The following ABAT variants were observed in gnomAD, a reference collection of about 807,000 sequenced individuals.
ABAT encodes the protein 4-aminobutyrate aminotransferase.
A neutral mutation model predicts 64.6 loss-of-function variants in ABAT; 45 were observed. The ratio of observed to expected loss-of-function variants is 0.70; its 90% CI spans 0.55 to 0.89. The LOEUF is 0.89. Among genes scored for constraint, ABAT ranks in the 40% least tolerant of loss-of-function variants. The probability of loss-of-function intolerance (pLI) is 0.00; values close to 1 mark genes in which losing one functional copy is unlikely to be tolerated. For missense variants in ABAT, 633 were observed against 658.4 expected (o/e 0.96, Z 0.42); for synonymous variants, 297 against 250.5 (o/e 1.19, Z -1.75).
At chr16:8,765,966 T>G (rs1165385335) in intron 8 of ABAT, 1 of 461,748 alleles carries the variant, frequency 2.2e-6, no homozygotes, top group Non-Finnish European at 4.1e-6. Flanking sequence ...CAGCAGATCT[T>G]AATCCAACAG....
In ABAT at chr16:8,779,483, G is replaced by T. The variant is rs368127499; in HGVS notation, c.1274G>T (p.Arg425Leu). ...CCTTGTCTCCTCCCACTACAGGCCC[G>T]GTACCCCCAGTTCATCAGCAGGGTG... ...LLTGLLDLQA[R>L]YPQFISRVRG... Residue 425 changes from arginine (R) to leucine (L), a missense_variant, in exon 15 of 16, where the codon CGG (arginine) becomes CTG (leucine). Transcript: ENST00000268251. 1.2e-6 allele frequency: 2 copies of T among 1,613,922 alleles called. No individual in the cohort carries two copies. The highest frequency in any genetic ancestry group is 1.7e-6 in the Non-Finnish European group (2 of 1,179,912).
At chr16:8,737,864 G>C (rs913597169) in intron 2 of ABAT, among the ~76,000 whole-genome samples, 3 of 144,440 alleles carry the variant, frequency 2.1e-5, no homozygotes, top group Admixed American at 1.4e-4. Context: ...GAAGGCGGAG[G>C]TTGCAGTAAG....
At chr16:8,716,833 G>A (rs894237992) in intron 1 of ABAT, among the ~76,000 whole-genome samples, 2 of 152,160 alleles carry the variant, frequency 1.3e-5, no homozygotes, top group African/African-American at 2.4e-5. Context: ...GATGCAATGC[G>A]TCAGCCCGCA....
At chr16:8,680,753 G>T (rs2057314409) in intron 1 of ABAT, among the ~76,000 whole-genome samples, 1 of 152,010 alleles carries the variant, frequency 6.6e-6, no homozygotes, top group South Asian at 2.1e-4. Flanking sequence ...TTATCATTGG[G>T]GTCACTGTGG....
rs749726120 is a variant in ABAT, at chr16:8,766,191, C to T, written c.541-17C>T. 5 of 1,613,442 alleles carry T rather than the reference C, an allele frequency of 3.1e-6. No homozygotes were observed. In the South Asian group the frequency reaches 5.5e-5, roughly 18 times the overall value. ...CCCAGAGCATCTCTGAGATTTTGTT[C>T]TGTTCTATTGTTTCAGAGCAAGGAA... is the stretch of plus-strand genomic sequence containing the variant. On this transcript the variant is annotated splice_polypyrimidine_tract_variant and intron_variant, in intron 8 of 15. Transcript: ENST00000268251.
chr16:8,752,263 C>A (rs987420553), intron 5 of ABAT, among the ~76,000 whole-genome samples: 2 of 152,178 alleles, frequency 1.3e-5, no homozygotes, highest in Non-Finnish European at 2.9e-5. Flanking sequence ...ATTTTGGAGA[C>A]AAGAATTTAA....
At chr16:8,713,318 A>C (rs1764479131) in intron 1 of ABAT, 1 of 152,424 alleles carries the variant, frequency 6.6e-6, no homozygotes, top group African/African-American at 2.4e-5. Context: ...AGGCCCTGGA[A>C]GGAAAAAGGG....
intron 1 of ABAT, among the ~76,000 whole-genome samples, chr16:8,710,727 A>AGAGAGGGAGAGAGAGGGAGAGGGAGG (rs146344975): frequency 9.6e-6 from 1 of 103,700 alleles, no homozygotes; most frequent in Non-Finnish European, 2.1e-5. Context: ...AGAGAGAGAG[A>AGAGAGGGAGAGAGAGGGAGAGGGAGG]GAGGAAATAG....
chr16:8,707,808 A>G (rs191056698), intron 1 of ABAT, among the ~76,000 whole-genome samples: 4 of 152,208 alleles, frequency 2.6e-5, no homozygotes, highest in Admixed American at 2.6e-4. Flanking sequence ...CAGCTCAAGC[A>G]AACCTCCAGC....
In ABAT at chr16:8,764,258, C is replaced by G. The variant is rs1348990262; in HGVS notation, c.447+109C>G. The G allele has an allele frequency of 3.1e-6, 3 of 956,638 alleles. No homozygotes were observed. Among genetic ancestry groups the G allele is most frequent in the East Asian group, 5.0e-5 (2 of 40,340 alleles). The allele number at this position is 956,638 out of a possible 1,614,324, so 59.3% of individuals were successfully genotyped here. On this transcript the variant is annotated intron_variant, in intron 7 of 15. Coordinates refer to ENST00000268251, the MANE Select transcript of ABAT (RefSeq NM_020686.6). The surrounding 1 kb of genome is among the most constrained non-coding windows in gnomAD (Gnocchi z 4.2). ...ATAAGGTGTTGCTACAGAAATCTTT[C>G]TCTCTGAGCTTATTCTTCCATGCAG...
intron 1 of ABAT, among the ~76,000 whole-genome samples, chr16:8,735,046 TA>T (rs34887951): frequency 6.8e-6 from 1 of 147,642 alleles, no homozygotes; most frequent in African/African-American, 2.5e-5. Flanking sequence ...CATCTCTACT[TA>T]AAAAAAAAAA....
At position 8,768,980 on chromosome 16, in the gene ABAT, C is replaced by A. The variant is rs376046736; in HGVS notation, c.816+7C>A. ...GGCCCGCTGTCTGGAAGAGGTAATG[C>A]TCATACCCTGCGGATCCTCCCCAAC... On this transcript the variant is annotated splice_region_variant and intron_variant, in intron 11 of 15. Transcript: ENST00000268251. 5.6e-4 allele frequency: 897 copies of A among 1,614,078 alleles called. 3 individuals are homozygous for A. The African/African-American group carries it at 0.011, about 19-fold the overall frequency.
At position 8,696,164 on chromosome 16, in the gene ABAT, C is replaced by T. The variant is rs138622132; in HGVS notation, c.-42+21453C>T. On this transcript the variant is annotated intron_variant, in intron 1 of 15. Transcript: ENST00000268251. Reference sequence around the variant, plus strand: ...GAGTGCACAGCCCATGACCCTAACACCTGGGCCCCATTACCTCTGTAATCC... The same window carrying T: ...GAGTGCACAGCCCATGACCCTAACATCTGGGCCCCATTACCTCTGTAATCC... Among the ~76,000 whole-genome samples, 30 of 152,306 alleles carry T rather than the reference C, an allele frequency of 2.0e-4. 1 individual carries two copies. Among genetic ancestry groups the T allele is most frequent in the African/African-American group, 6.3e-4 (26 of 41,570 alleles).
intron 1 of ABAT, among the ~76,000 whole-genome samples, chr16:8,677,529 T>C (rs1184137258): frequency 1.3e-5 from 2 of 152,174 alleles, no homozygotes; most frequent in African/African-American, 4.8e-5. Flanking sequence ...AAGAGACAGG[T>C]CTAGATGAGG....
intron 1 of ABAT, among the ~76,000 whole-genome samples, chr16:8,699,323 AT>A (rs917864440): frequency 3.1e-5 from 4 of 130,980 alleles, no homozygotes; most frequent in South Asian, 2.2e-4. Flanking sequence ...GCAGGGAATT[AT>A]TTTTTTTAAA....
At chr16:8,743,958 C>T (rs2059256937) in intron 2 of ABAT, among the ~76,000 whole-genome samples, 1 of 152,052 alleles carries the variant, frequency 6.6e-6, no homozygotes, top group Non-Finnish European at 1.5e-5. Flanking sequence ...TACACCGCAC[C>T]TGTCTTTCAC....
chr16:8,712,878 GTGCCTCCACCCCCT>G (rs2058108528), intron 1 of ABAT: 1 of 152,276 alleles, frequency 6.6e-6, no homozygotes, highest in Non-Finnish European at 1.5e-5. Context: ...TCCATTCTGG[GTGCCTCCACCCCCT>G]TGCCGTCGTC....
intron 1 of ABAT, among the ~76,000 whole-genome samples, chr16:8,694,220 A>G (rs1377782779): frequency 6.9e-6 from 1 of 144,436 alleles, no homozygotes; most frequent in Non-Finnish European, 1.5e-5. Context: ...TTCAGTAGAG[A>G]CAGGGTTTCA....
At chr16:8,761,742 G>C (rs1361481494) in intron 6 of ABAT, among the ~76,000 whole-genome samples, 1 of 152,148 alleles carries the variant, frequency 6.6e-6, no homozygotes, top group African/African-American at 2.4e-5. Flanking sequence ...CGCATTTTTG[G>C]CTGGAGATGC....
Sources: allele counts gnomAD v4.1 joint callset (sites outside exome capture counted in the v4.1 genomes callset), GRCh38; gene constraint gnomAD v4.1.1; non-coding constraint Gnocchi (gnomAD v3.1); transcripts MANE v1.5; gene names NCBI Gene and HGNC (gene_info 2026-07-23, HGNC 2026-07-21).